Variants in TCF12 observed in about 807,000 individuals in gnomAD.
TCF12 encodes transcription factor 12, also known as DNA-binding protein HTF4.
TCF12 carries 45 observed loss-of-function variants against 86.0 expected under a neutral mutation model. That is an observed-to-expected ratio of 0.52 (90% CI 0.41 to 0.67). TCF12 has a LOEUF of 0.67. TCF12 is among the 30% of genes least tolerant of loss of function. The probability of loss-of-function intolerance (pLI) is 0.00; values close to 1 mark genes in which losing one functional copy is unlikely to be tolerated. For missense variants in TCF12, 881 were observed against 859.9 expected (o/e 1.02, Z -0.31); for synonymous variants, 330 against 299.6 (o/e 1.10, Z -1.05).
intron 11 of TCF12, among the ~76,000 whole-genome samples, chr15:57,233,769 G>A (rs2059267520): frequency 6.6e-6 from 1 of 152,144 alleles, no homozygotes; most frequent in Non-Finnish European, 1.5e-5. Flanking sequence ...GAGCCACCGC[G>A]CCTGGCCTTG....
intron 3 of TCF12, among the ~76,000 whole-genome samples, chr15:57,053,965 A>C (rs1348330039): frequency 2.0e-5 from 3 of 152,228 alleles, no homozygotes; most frequent in African/African-American, 7.2e-5. Flanking sequence ...AGAAGATGAT[A>C]GATAGCAGGA....
At chr15:57,266,428 T>C (rs563151479) in intron 18 of TCF12, among the ~76,000 whole-genome samples, 11 of 152,162 alleles carry the variant, frequency 7.2e-5, no homozygotes, top group Non-Finnish European at 1.5e-4. Context: ...CATTCATTTA[T>C]CCATTGTCTG....
At chr15:57,209,553 GA>G (rs1221499849) in intron 8 of TCF12, among the ~76,000 whole-genome samples, 2 of 152,184 alleles carry the variant, frequency 1.3e-5, no homozygotes, top group Admixed American at 6.5e-5. Flanking sequence ...TTCTCTTCAA[GA>G]ATTTAACCAT....
At chr15:57,233,934 G>C (rs2059275796) in intron 11 of TCF12, 109 bp from the exon 12 acceptor site, 1 of 832,486 alleles carries the variant, frequency 1.2e-6, no homozygotes, top group African/African-American at 1.7e-5. Context: ...CTAGTTTACT[G>C]TAACAGATGT....
At chr15:57,210,950 A>C (rs2151817456) in intron 8 of TCF12, among the ~76,000 whole-genome samples, 1 of 152,352 alleles carries the variant, frequency 6.6e-6, no homozygotes, top group East Asian at 1.9e-4. Context: ...AGAATAGTGC[A>C]GGAGCCTCAG....
intron 3 of TCF12, among the ~76,000 whole-genome samples, chr15:57,062,271 T>G (rs2141707460): frequency 6.6e-6 from 1 of 152,268 alleles, no homozygotes; most frequent in East Asian, 1.9e-4. Flanking sequence ...CAGTGTTTTT[T>G]ACATGACATT....
At chr15:57,258,301 G>C (rs1426646828) in intron 16 of TCF12, among the ~76,000 whole-genome samples, 1 of 152,150 alleles carries the variant, frequency 6.6e-6, no homozygotes, top group Non-Finnish European at 1.5e-5. Context: ...AAGGGGAATC[G>C]TGAATTTCAT....
At chr15:57,102,785 GT>G (rs2049851210) in intron 5 of TCF12, among the ~76,000 whole-genome samples, 2 of 152,040 alleles carry the variant, frequency 1.3e-5, no homozygotes, top group Non-Finnish European at 2.9e-5. Flanking sequence ...TTGTTTTTCT[GT>G]TGTTTTGTTT....
At chr15:57,150,997 G>A (rs909720756) in intron 5 of TCF12, among the ~76,000 whole-genome samples, 17 of 143,782 alleles carry the variant, frequency 1.2e-4, no homozygotes, top group African/African-American at 3.4e-4. Flanking sequence ...CTCCTTTTTT[G>A]GAGGCAGGTC....
chr15:57,038,647 T>A (rs2066676296), intron 3 of TCF12, among the ~76,000 whole-genome samples: 1 of 152,038 alleles, frequency 6.6e-6, no homozygotes, highest in South Asian at 2.1e-4. Flanking sequence ...TAATAAAATG[T>A]AACTTGTAAG....
At chr15:56,949,085 T>TA (rs1156832040) in intron 3 of TCF12, among the ~76,000 whole-genome samples, 3 of 152,224 alleles carry the variant, frequency 2.0e-5, no homozygotes, top group Non-Finnish European at 2.9e-5. Context: ...TTGTTAACTA[T>TA]AAAAAATACA....
chr15:57,125,555 C>G (rs748868392), intron 5 of TCF12, among the ~76,000 whole-genome samples: 3 of 152,152 alleles, frequency 2.0e-5, no homozygotes, highest in Non-Finnish European at 4.4e-5. Context: ...ACCAGACAAG[C>G]CAACAATGAA....
intron 5 of TCF12, among the ~76,000 whole-genome samples, chr15:57,139,676 C>T (rs1328131284): frequency 6.6e-6 from 1 of 151,874 alleles, no homozygotes; most frequent in Non-Finnish European, 1.5e-5. Context: ...AAAGTTAGAG[C>T]ATTATAGCTG....
intron 4 of TCF12, among the ~76,000 whole-genome samples, chr15:57,064,054 C>A (rs75890360): frequency 6.6e-6 from 1 of 152,156 alleles, no homozygotes; most frequent in African/African-American, 2.4e-5. Context: ...CATGAACTGC[C>A]TACAGTACTC....
intron 13 of TCF12, among the ~76,000 whole-genome samples, chr15:57,248,312 C>G (rs72733957): frequency 0.053 from 8,015 of 152,106 alleles, 277 homozygotes; most frequent in South Asian, 0.08. Context: ...AAGGACAGAC[C>G]CACCTCCCAC....
intron 4 of TCF12, among the ~76,000 whole-genome samples, chr15:57,091,412 T>A (rs1445053782): frequency 2.0e-5 from 3 of 152,298 alleles, no homozygotes; most frequent in African/African-American, 7.2e-5. Flanking sequence ...TAATTTATTT[T>A]AAAAAATCCA....
intron 3 of TCF12, among the ~76,000 whole-genome samples, chr15:57,015,905 A>T (rs187756040): frequency 6.6e-6 from 1 of 152,284 alleles, no homozygotes; most frequent in East Asian, 1.9e-4. Context: ...TAGAAGCCAG[A>T]CATTAATTTG....
intron 5 of TCF12, among the ~76,000 whole-genome samples, chr15:57,140,645 A>G (rs185673272): frequency 2.4e-4 from 37 of 152,298 alleles, no homozygotes; most frequent in African/African-American, 8.9e-4. Flanking sequence ...TTATTTAACT[A>G]TTTATTTGGG....
intron 3 of TCF12, among the ~76,000 whole-genome samples, chr15:56,959,213 C>T (rs2061634967): frequency 6.6e-6 from 1 of 152,152 alleles, no homozygotes; most frequent in Non-Finnish European, 1.5e-5. Context: ...AATATTTAAA[C>T]ATTTACTATG....
Sources: allele counts gnomAD v4.1 joint callset (sites outside exome capture counted in the v4.1 genomes callset), GRCh38; gene constraint gnomAD v4.1.1; transcripts MANE v1.5; gene names NCBI Gene and HGNC (gene_info 2026-07-23, HGNC 2026-07-21).